CTNNA3: variants seen among roughly 807,000 people sequenced by gnomAD.
CTNNA3 encodes the protein catenin alpha 3.
In CTNNA3, 76 loss-of-function variants were observed where a neutral mutation model predicts 95.7. That is an observed-to-expected ratio of 0.79 (90% confidence interval 0.66 to 0.96). The LOEUF is 0.96. Ranked by LOEUF, CTNNA3 falls within the 40% of genes least tolerant of loss-of-function variation. The pLI is 0.00. For missense variants in CTNNA3, 1,191 were observed against 1,089.8 expected (o/e 1.09, Z -1.31); for synonymous variants, 431 against 374.4 (o/e 1.15, Z -1.74).
At chr10:67,437,331 G>C (rs772589482) in intron 5 of CTNNA3, among the ~76,000 whole-genome samples, 2 of 152,088 alleles carry the variant, frequency 1.3e-5, no homozygotes, top group Non-Finnish European at 2.9e-5. Flanking sequence ...GGAAGACTGG[G>C]AGTGGGGTGA....
In CTNNA3 at chr10:67,186,742, T is replaced by C. The variant is rs528553367; in HGVS notation, c.844-6222A>G. 5.3e-5 allele frequency among the ~76,000 whole-genome samples: 8 copies of C among 152,324 alleles called. No homozygotes were observed. The South Asian group carries it at 1.7e-3, about 32-fold the overall frequency. On this transcript the variant is annotated intron_variant, in intron 6 of 17. Coordinates refer to ENST00000433211, the MANE Select transcript of CTNNA3 (RefSeq NM_013266.4). Reference sequence around the variant, plus strand: ...AAAGACAATCAATAGGATATTGTTTTTTCAGGATGCCACTCCATTGAAATA... The same window carrying C: ...AAAGACAATCAATAGGATATTGTTTCTTCAGGATGCCACTCCATTGAAATA...
chr10:67,280,597 G>A (rs1361974556), intron 5 of CTNNA3, among the ~76,000 whole-genome samples: 1 of 151,684 alleles, frequency 6.6e-6, no homozygotes, highest in Non-Finnish European at 1.5e-5. Flanking sequence ...AGCTGAAGAC[G>A]CCCGACTCCT....
chr10:67,042,573 G>A (rs539476258), intron 7 of CTNNA3, among the ~76,000 whole-genome samples: 2 of 152,008 alleles, frequency 1.3e-5, no homozygotes, highest in South Asian at 4.1e-4. Flanking sequence ...GGTAAGAAAA[G>A]GGCTTGATGA....
chr10:66,993,255 A>G (rs1445821940), intron 7 of CTNNA3, among the ~76,000 whole-genome samples: 2 of 152,178 alleles, frequency 1.3e-5, no homozygotes, highest in Non-Finnish European at 2.9e-5. Flanking sequence ...GGTGGGATCC[A>G]AGAAGAAATA....
At chr10:66,426,427 T>C (rs970591628) in intron 11 of CTNNA3, among the ~76,000 whole-genome samples, 2 of 152,120 alleles carry the variant, frequency 1.3e-5, no homozygotes, top group African/African-American at 4.8e-5. Context: ...TAATTTACTC[T>C]TCTTGCTGAA....
intron 1 of CTNNA3, among the ~76,000 whole-genome samples, chr10:67,688,138 T>C (rs185034825): frequency 6.6e-6 from 1 of 152,328 alleles, no homozygotes; most frequent in Admixed American, 6.5e-5. Flanking sequence ...AAGACATCTA[T>C]ATACCTAACA....
intron 5 of CTNNA3, among the ~76,000 whole-genome samples, chr10:67,230,821 C>T (rs945648352): frequency 5.3e-5 from 8 of 152,254 alleles, no homozygotes; most frequent in Middle Eastern, 3.4e-3. Context: ...GTGCACACAC[C>T]GTGCGCGAGC....
chr10:67,358,914 G>A (rs916868871), intron 5 of CTNNA3, among the ~76,000 whole-genome samples: 9 of 151,976 alleles, frequency 5.9e-5, no homozygotes, highest in African/African-American at 9.7e-5. Flanking sequence ...CCACCCCCTC[G>A]TCTTCTCCTC....
chr10:66,632,707 T>A (rs10997273), intron 9 of CTNNA3, among the ~76,000 whole-genome samples: 3 of 151,706 alleles, frequency 2.0e-5, no homozygotes, highest in Non-Finnish European at 4.4e-5. Flanking sequence ...TGCAATTATG[T>A]AAAAAGGCTA....
chr10:66,685,170 T>TACACACAC (rs1476340197), intron 9 of CTNNA3, among the ~76,000 whole-genome samples: 2 of 109,866 alleles, frequency 1.8e-5, no homozygotes, highest in African/African-American at 7.7e-5. Context: ...CGTATATATA[T>TACACACAC]ATATACACAT....
At chr10:66,953,658 T>C (rs1266986267) in intron 7 of CTNNA3, among the ~76,000 whole-genome samples, 1 of 152,206 alleles carries the variant, frequency 6.6e-6, no homozygotes, top group Non-Finnish European at 1.5e-5. Flanking sequence ...GAGAATTTCA[T>C]CTATTTTCTA....
chr10:67,727,853 T>C (rs1355311526), intron 1 of CTNNA3, among the ~76,000 whole-genome samples: 3 of 130,452 alleles, frequency 2.3e-5, no homozygotes, highest in Non-Finnish European at 4.6e-5. Context: ...ATATATCATA[T>C]ATTATATTAT....
At chr10:66,264,870 C>T (rs189702757) in intron 13 of CTNNA3, among the ~76,000 whole-genome samples, 1 of 152,100 alleles carries the variant, frequency 6.6e-6, no homozygotes, top group Admixed American at 6.6e-5. Flanking sequence ...GGGACAGGAA[C>T]TGGGCAGACC....
intron 5 of CTNNA3, among the ~76,000 whole-genome samples, chr10:67,436,603 A>G (rs1218077505): frequency 6.6e-6 from 1 of 152,162 alleles, no homozygotes; most frequent in Non-Finnish European, 1.5e-5. Context: ...CAGAACCTAC[A>G]ATGAATTCAA....
intron 10 of CTNNA3, among the ~76,000 whole-genome samples, chr10:66,602,595 C>G (rs1843968318): frequency 6.6e-6 from 1 of 151,706 alleles, no homozygotes. Flanking sequence ...AGACAAAAGG[C>G]AATATTGAAA....
chr10:67,372,627 A>G (rs1378767119), intron 5 of CTNNA3, among the ~76,000 whole-genome samples: 4 of 152,152 alleles, frequency 2.6e-5, no homozygotes, highest in African/African-American at 7.2e-5. Context: ...TACAGAGAAC[A>G]CCACAAAGAT....
chr10:66,037,198 G>A (rs972299700), intron 15 of CTNNA3, among the ~76,000 whole-genome samples: 2 of 152,070 alleles, frequency 1.3e-5, no homozygotes, highest in African/African-American at 4.8e-5. Flanking sequence ...AAATGACACA[G>A]ATATGAATGA....
intron 10 of CTNNA3, among the ~76,000 whole-genome samples, chr10:66,528,596 C>G (rs1841352016): frequency 6.6e-6 from 1 of 152,070 alleles, no homozygotes; most frequent in African/African-American, 2.4e-5. Flanking sequence ...TGGGATCCAG[C>G]TAAGGGGAAG....
chr10:67,215,716 G>C (rs1864327149), intron 6 of CTNNA3, among the ~76,000 whole-genome samples: 1 of 152,132 alleles, frequency 6.6e-6, no homozygotes, highest in South Asian at 2.1e-4. Flanking sequence ...ATTCGGGTTA[G>C]TGTTATTTTC....
Sources: gnomAD v4.1 joint callset for allele counts (sites outside exome capture counted in the v4.1 genomes callset) on GRCh38, gnomAD v4.1.1 for gene constraint, MANE v1.5 for transcripts, NCBI Gene and HGNC (gene_info 2026-07-23, HGNC 2026-07-21) for gene names.